Variants in PPFIA2 observed in about 807,000 individuals in gnomAD.
PPFIA2 encodes the protein liprin-alpha-2.
A neutral mutation model predicts 175.5 loss-of-function variants in PPFIA2; 46 were observed. The observed-to-expected ratio is 0.26, with a 90% CI of 0.21 to 0.34. The LOEUF (loss-of-function observed/expected upper bound fraction) is 0.34, where lower values mean the gene tolerates loss of function less well. PPFIA2 is among the 10% of genes least tolerant of loss of function. The pLI is 1.00. For synonymous variants in PPFIA2, 568 were observed against 511.4 expected (o/e 1.11, Z -1.49); for missense variants, 1,179 against 1,506.1 (o/e 0.78, Z 3.60).
intron 7 of PPFIA2, among the ~76,000 whole-genome samples, chr12:81,413,867 C>T (rs1412006967): frequency 6.6e-6 from 1 of 151,620 alleles, no homozygotes; most frequent in African/African-American, 2.4e-5. Context: ...ACTTCATTTT[C>T]CTTTGTCTTT....
chr12:81,399,672 G>A (rs1310773232), intron 8 of PPFIA2, among the ~76,000 whole-genome samples: 1 of 151,998 alleles, frequency 6.6e-6, no homozygotes, highest in Non-Finnish European at 1.5e-5. Context: ...GGCCAGTCCA[G>A]CCCATGTATA....
chr12:81,471,173 G>C (rs1341096825), intron 4 of PPFIA2: 1 of 150,516 alleles, frequency 6.6e-6, no homozygotes, highest in Admixed American at 6.7e-5. Flanking sequence ...GTCGTGCTCT[G>C]TCTTCCAGGC....
intron 3 of PPFIA2, among the ~76,000 whole-genome samples, chr12:81,695,879 C>G (rs1006005258): frequency 3.3e-5 from 5 of 152,126 alleles, no homozygotes; most frequent in Admixed American, 3.3e-4. Context: ...TTTCTTAATT[C>G]TCAGTGCTAT....
chr12:81,462,750 G>A (rs1482781874), intron 4 of PPFIA2, among the ~76,000 whole-genome samples: 3 of 151,494 alleles, frequency 2.0e-5, no homozygotes, highest in African/African-American at 7.3e-5. Flanking sequence ...TCACTATTAT[G>A]AAAGCATAAT....
chr12:81,563,903 A>G (rs2070734347), intron 4 of PPFIA2, among the ~76,000 whole-genome samples: 1 of 152,240 alleles, frequency 6.6e-6, no homozygotes, highest in Non-Finnish European at 1.5e-5. Flanking sequence ...GTGTTATGCT[A>G]TAATAGAGAT....
At chr12:81,478,807 T>G (rs1402902355) in intron 4 of PPFIA2, among the ~76,000 whole-genome samples, 1 of 152,196 alleles carries the variant, frequency 6.6e-6, no homozygotes, top group East Asian at 1.9e-4. Context: ...TCCTTTCTTT[T>G]GCATTATCTG....
Position 81,395,474 on chromosome 12 carries a change from G to A in PPFIA2, c.762+10313C>T, listed in dbSNP as rs117469006. ...CCCCCAAATATGACTTTGGCTTGTT[G>A]AGCGCTTTGAAAATTGAAAGGCCTC... On this transcript the variant is annotated intron_variant, in intron 8 of 32. Coordinates refer to ENST00000549396, the MANE Select transcript of PPFIA2 (RefSeq NM_003625.5). Among the ~76,000 whole-genome samples the A allele has an allele frequency of 7.7e-3, 1,176 of 152,058 alleles. 29 individuals are homozygous for A. The highest frequency in any genetic ancestry group is 4.4e-3 in the Non-Finnish European group (296 of 67,944).
At chr12:81,345,852 A>G (rs1369710657) in intron 18 of PPFIA2, among the ~76,000 whole-genome samples, 2 of 152,152 alleles carry the variant, frequency 1.3e-5, no homozygotes, top group Non-Finnish European at 2.9e-5. Flanking sequence ...GCAGATCACA[A>G]TGTAGTTCCG....
At chr12:81,276,744 C>A (rs939633125) in intron 28 of PPFIA2, among the ~76,000 whole-genome samples, 2 of 152,082 alleles carry the variant, frequency 1.3e-5, no homozygotes, top group African/African-American at 4.8e-5. Context: ...AAACATTTTT[C>A]TGCACATAAC....
chr12:81,325,670 C>A, intron 22 of PPFIA2, 107 bp downstream of exon 22: 1 of 770,280 alleles, frequency 1.3e-6, no homozygotes, highest in Admixed American at 2.4e-5. Context: ...AAAATATTGG[C>A]TTCAATATAG....
At chr12:81,748,426 G>A (rs148788920) in intron 3 of PPFIA2, among the ~76,000 whole-genome samples, 3 of 144,560 alleles carry the variant, frequency 2.1e-5, no homozygotes, top group South Asian at 4.5e-4. Context: ...TACCAAAAAT[G>A]ACTTAAGCAG....
chr12:81,675,179 A>G (rs2153567946), intron 4 of PPFIA2, among the ~76,000 whole-genome samples: 1 of 150,304 alleles, frequency 6.7e-6, no homozygotes, highest in South Asian at 2.1e-4. Flanking sequence ...ACATATATAG[A>G]TTGATATACT....
chr12:81,682,032 C>T (rs576196352), intron 3 of PPFIA2, among the ~76,000 whole-genome samples: 199 of 152,028 alleles, frequency 1.3e-3, no homozygotes, highest in Middle Eastern at 6.8e-3. Context: ...TAATAATTGT[C>T]AATTATGGGC....
intron 3 of PPFIA2, among the ~76,000 whole-genome samples, chr12:81,725,162 G>A (rs1278181147): frequency 1.3e-5 from 2 of 150,158 alleles, no homozygotes; most frequent in Non-Finnish European, 3.0e-5. Flanking sequence ...TCAGATCAAG[G>A]GAACAAAAAT....
At chr12:81,501,013 C>T (rs1370068534) in intron 4 of PPFIA2, among the ~76,000 whole-genome samples, 1 of 152,166 alleles carries the variant, frequency 6.6e-6, no homozygotes, top group Middle Eastern at 3.2e-3. Flanking sequence ...GCCAGGAGAT[C>T]CTGTTCACAC....
intron 24 of PPFIA2, chr12:81,292,762 C>T (rs185906738): frequency 6.6e-6 from 1 of 152,166 alleles, no homozygotes; most frequent in Admixed American, 6.6e-5. Flanking sequence ...GCACCCTTAA[C>T]TCCTATCTTA....
chr12:81,357,974 T>A, intron 16 of PPFIA2, 108 bp downstream of exon 16: 1 of 1,168,554 alleles, frequency 8.6e-7, no homozygotes, highest in Non-Finnish European at 1.2e-6. Context: ...GTGTTTCAAA[T>A]TAATAAAAAT....
chr12:81,259,745 C>T (rs1317427642), intron 32 of PPFIA2, 85 bp from the exon 33 acceptor site: 42 of 1,202,254 alleles, frequency 3.5e-5, no homozygotes, highest in Admixed American at 1.2e-4. Context: ...TGTACCTCCA[C>T]GCAGCCTGCT....
intron 7 of PPFIA2, among the ~76,000 whole-genome samples, chr12:81,408,274 A>G (rs1347386364): frequency 6.6e-6 from 1 of 152,190 alleles, no homozygotes; most frequent in Non-Finnish European, 1.5e-5. Context: ...TACAATTGAT[A>G]CATGAGATTT....
Sources: allele counts gnomAD v4.1 joint callset (sites outside exome capture counted in the v4.1 genomes callset), GRCh38; gene constraint gnomAD v4.1.1; transcripts MANE v1.5; gene names NCBI Gene and HGNC (gene_info 2026-07-23, HGNC 2026-07-21).